STS: variants seen among roughly 807,000 people sequenced by gnomAD.
STS encodes the protein steroid sulfatase, also known as steryl-sulfatase.
Under a neutral mutation model 26.8 loss-of-function variants are expected in STS, and 7 were observed. The observed-to-expected ratio is 0.26, with a 90% confidence interval of 0.15 to 0.49. STS has a LOEUF of 0.49. STS is among the 20% of genes least tolerant of loss of function. The pLI is 0.98. For missense variants in STS, 434 were observed against 465.6 expected (o/e 0.93, Z 0.63); for synonymous variants, 199 against 189.4 (o/e 1.05, Z -0.42).
At chrX:7,147,696 G>C (rs1029160934), upstream of STS, among the ~76,000 whole-genome samples, 1 of 112,003 alleles carries the variant, frequency 8.9e-6, no homozygotes, top group Non-Finnish European at 1.9e-5. Context: ...AGAGCGCGGA[G>C]GTCCCGCCGC....
At chrX:7,329,738 C>T (rs1927658547) in intron 9 of STS, among the ~76,000 whole-genome samples, 1 of 111,783 alleles carries the variant, frequency 8.9e-6, no homozygotes, top group African/African-American at 3.3e-5. Context: ...CAGCAGACCT[C>T]CATTCTTCAC....
At chrX:7,265,762 A>G (rs1412802731) in intron 6 of STS, among the ~76,000 whole-genome samples, 2 of 112,258 alleles carry the variant, frequency 1.8e-5, no homozygotes, top group Non-Finnish European at 3.8e-5. Flanking sequence ...AGCTTCTTAC[A>G]TACTTTATCT....
At chrX:7,232,925 C>T (rs1184001710) in intron 2 of STS, among the ~76,000 whole-genome samples, 1 of 110,684 alleles carries the variant, frequency 9.0e-6, no homozygotes, top group Non-Finnish European at 1.9e-5. Flanking sequence ...CCCCCCACTT[C>T]GTTCTGCACT....
chrX:7,152,630 T>C (rs922233059), intron 1 of STS, among the ~76,000 whole-genome samples: 12 of 113,080 alleles, frequency 1.1e-4, no homozygotes, highest in Non-Finnish European at 1.9e-4. Context: ...TAACATTTAA[T>C]ATTTGTGTGA....
intron 6 of STS, among the ~76,000 whole-genome samples, chrX:7,273,947 A>C (rs925159981): frequency 1.2e-4 from 13 of 111,260 alleles, no homozygotes; most frequent in Admixed American, 1.1e-3. Context: ...TTCCTGGAAA[A>C]GGGGAACAGG....
chrX:7,239,331 A>G (rs756503023), intron 2 of STS, among the ~76,000 whole-genome samples: 1 of 111,896 alleles, frequency 8.9e-6, no homozygotes, highest in African/African-American at 3.2e-5. Flanking sequence ...CAGTGTACAT[A>G]CCTTGGATTG....
rs186118424 is a variant in STS at position 7,343,794 on chromosome X, A to C, written c.1364-6094A>C. Among the ~76,000 whole-genome samples, 413 of 111,991 alleles carry C rather than the reference A, an allele frequency of 3.7e-3. 2 individuals are homozygous for C. Among genetic ancestry groups the C allele is most frequent in the Middle Eastern group, 9.2e-3 (2 of 217 alleles). ...CTCCCGGGACTCCTCTGTCTATGCA[A>C]GTCTCACATAGCATCAGGCTAAGAA... On this transcript the variant is annotated intron_variant, in intron 10 of 10. Transcript: ENST00000674429.
At chrX:7,154,258 GCTT>G (rs1205647415) in intron 1 of STS, among the ~76,000 whole-genome samples, 2 of 112,219 alleles carry the variant, frequency 1.8e-5, no homozygotes, top group Non-Finnish European at 3.8e-5. Flanking sequence ...CGTCGTCTCT[GCTT>G]CTGAATAAAC....
At chrX:7,165,602 C>T (rs1933334012) in intron 1 of STS, among the ~76,000 whole-genome samples, 1 of 111,569 alleles carries the variant, frequency 9.0e-6, no homozygotes, top group African/African-American at 3.3e-5. Flanking sequence ...GCTGTGATCA[C>T]ACCACTGCAC....
In STS at chrX:7,334,013, C is replaced by G. The variant is rs200815511; in HGVS notation, c.1269C>G (p.Pro423=). The change falls in exon 10 of 11, where the codon CCC becomes CCG. Residue 423 remains proline (P), a synonymous_variant. Transcript: ENST00000674429. ...TCATTGATGGACGTGATCTGATGCC[C>G]CTGCTTGAAGGAAAAAGCCAACGCT... The part of the protein sequence containing the change: ...DRIIDGRDLM[P]LLEGKSQRSD... The G allele has an allele frequency of 2.5e-6, 3 of 1,209,473 alleles. No individual in the cohort carries two copies. Among genetic ancestry groups the G allele is most frequent in the African/African-American group, 1.8e-5 (1 of 57,138 alleles).
intron 7 of STS, among the ~76,000 whole-genome samples, chrX:7,283,169 A>G (rs1186180210): frequency 8.9e-6 from 1 of 111,919 alleles, no homozygotes; most frequent in East Asian, 2.8e-4. Context: ...TTTTTGATCA[A>G]TGCAACCCTC....
At chrX:7,285,417 A>G (rs1925081942) in intron 7 of STS, among the ~76,000 whole-genome samples, 1 of 112,276 alleles carries the variant, frequency 8.9e-6, no homozygotes, top group African/African-American at 3.2e-5. Flanking sequence ...ACTAACTCAA[A>G]GAGAAAGATT....
chrX:7,241,565 T>G (rs1355513403), intron 2 of STS, among the ~76,000 whole-genome samples: 1 of 112,283 alleles, frequency 8.9e-6, no homozygotes, highest in Non-Finnish European at 1.9e-5. Context: ...ATGAAACATG[T>G]TCTTAAAATA....
chrX:7,278,879 G>A (rs1281491673), intron 7 of STS, among the ~76,000 whole-genome samples: 1 of 111,861 alleles, frequency 8.9e-6, no homozygotes, highest in African/African-American at 3.3e-5. Flanking sequence ...TCACTGGCAT[G>A]AGGCAGATTG....
Position 7,354,517 on chromosome X carries a change from C to G in STS, c.*4256C>G, listed in dbSNP as rs1928931462. 1 of 112,023 alleles carries G rather than the reference C, an allele frequency of 8.9e-6. No homozygotes were observed. Among genetic ancestry groups the G allele is most frequent in the African/African-American group, 3.2e-5 (1 of 30,807 alleles). 9.2% of individuals were successfully genotyped at this position (112,023 alleles called of 1,213,427 possible). A position where few individuals can be genotyped will look rare whatever the true frequency, so the allele number is the denominator to read the frequency against. On this transcript the variant is annotated 3_prime_UTR_variant, in exon 11 of 11. Transcript: ENST00000674429. ...CTTTAGAGCTCAGCTTTCTGAGGCC[C>G]TGAGCATTCTTGGTTTTCCGACATC...
chrX:7,192,479 G>A (rs1333093146), intron 2 of STS, among the ~76,000 whole-genome samples: 2 of 110,194 alleles, frequency 1.8e-5, no homozygotes, highest in Non-Finnish European at 3.8e-5. Flanking sequence ...CAGGATAATC[G>A]CTTGAACCCC....
chrX:7,309,884 G>T (rs966737947), intron 8 of STS, among the ~76,000 whole-genome samples: 1 of 111,612 alleles, frequency 9.0e-6, no homozygotes, highest in South Asian at 3.7e-4. Flanking sequence ...TGGGAAATAA[G>T]GGTAGGGTCA....
At chrX:7,201,610 A>T (rs1275197867) in intron 2 of STS, among the ~76,000 whole-genome samples, 1 of 109,299 alleles carries the variant, frequency 9.1e-6, no homozygotes, top group Non-Finnish European at 1.9e-5. Context: ...ATGTTCTTTC[A>T]TCACATCCAT....
chrX:7,325,767 G>C (rs1466149103), intron 9 of STS, among the ~76,000 whole-genome samples: 1 of 112,375 alleles, frequency 8.9e-6, no homozygotes, highest in Non-Finnish European at 1.9e-5. Flanking sequence ...TGGGCAGTGT[G>C]TAGAAGTAGG....
Sources: gnomAD v4.1 joint callset for allele counts (sites outside exome capture counted in the v4.1 genomes callset) on GRCh38, gnomAD v4.1.1 for gene constraint, MANE v1.5 for transcripts, NCBI Gene and HGNC (gene_info 2026-07-23, HGNC 2026-07-21) for gene names.